HS3ST4: variants seen among roughly 807,000 people sequenced by gnomAD.
The protein encoded by HS3ST4 is heparan sulfate-glucosamine 3-sulfotransferase 4.
A neutral mutation model predicts 29.2 loss-of-function variants in HS3ST4; 17 were observed. The ratio of observed to expected loss-of-function variants is 0.58; its 90% confidence interval spans 0.40 to 0.87. HS3ST4 has a LOEUF of 0.87. Ranked by LOEUF, HS3ST4 falls within the 40% of genes least tolerant of loss-of-function variation. HS3ST4 has a pLI of 0.00. For missense variants in HS3ST4, 627 were observed against 634.5 expected (o/e 0.99, Z 0.13); for synonymous variants, 314 against 285.7 (o/e 1.10, Z -1.00).
chr16:25,715,330 AAAAAAAAAAAAAAAACC>A (rs1447980682), intron 1 of HS3ST4, among the ~76,000 whole-genome samples: 1 of 10,156 alleles, frequency 9.8e-5, no homozygotes, highest in African/African-American at 2.2e-4. Context: ...CTCCGTCTCA[AAAAAAAAAAAAAAAACC>A]AAAAAAAAAA....
At chr16:25,889,303 G>A (rs1243352288) in intron 1 of HS3ST4, among the ~76,000 whole-genome samples, 1 of 152,146 alleles carries the variant, frequency 6.6e-6, no homozygotes, top group Non-Finnish European at 1.5e-5. Context: ...TTGCCTAATT[G>A]TTTCTTAGAC....
chr16:25,811,046 G>A (rs183907057), intron 1 of HS3ST4, among the ~76,000 whole-genome samples: 4 of 152,230 alleles, frequency 2.6e-5, no homozygotes, highest in East Asian at 1.9e-4. Context: ...ATTAAGAAAC[G>A]GTTGGTGGTG....
chr16:26,096,484 T>C (rs1898927531), intron 1 of HS3ST4, among the ~76,000 whole-genome samples: 1 of 152,074 alleles, frequency 6.6e-6, no homozygotes, highest in Admixed American at 6.6e-5. Context: ...AGAGAACCAA[T>C]GACAAAAACC....
intron 1 of HS3ST4, among the ~76,000 whole-genome samples, chr16:26,003,459 G>T (rs1354936967): frequency 6.6e-6 from 1 of 152,122 alleles, no homozygotes; most frequent in African/African-American, 2.4e-5. Flanking sequence ...TCACAAATCT[G>T]CCTCTCTCAT....
At position 25,734,707 on chromosome 16, in the gene HS3ST4, T is replaced by TA. The variant is rs1966595223; in HGVS notation, c.734+41557dup. On this transcript the variant is annotated intron_variant, in intron 1 of 1. Transcript: ENST00000331351. Reference sequence around the variant, plus strand: ...TCAGCTCATGTAATGAGCTGGGTGATATGAAGATGAGCTGGTGAGTTCAGG... The same window carrying TA: ...TCAGCTCATGTAATGAGCTGGGTGATAATGAAGATGAGCTGGTGAGTTCAGG... 5.9e-5 allele frequency among the ~76,000 whole-genome samples: 9 copies of TA among 152,204 alleles called. No homozygotes were observed. The South Asian group carries it at 1.9e-3, about 32-fold the overall frequency.
At chr16:26,076,707 T>A (rs1371299496) in intron 1 of HS3ST4, among the ~76,000 whole-genome samples, 1 of 152,232 alleles carries the variant, frequency 6.6e-6, no homozygotes, top group Non-Finnish European at 1.5e-5. Context: ...CCTCAATTGA[T>A]AGCAGCTTCT....
intron 1 of HS3ST4, among the ~76,000 whole-genome samples, chr16:26,014,317 C>T (rs906110130): frequency 6.6e-6 from 1 of 152,178 alleles, no homozygotes; most frequent in Non-Finnish European, 1.5e-5. Context: ...GTTCTATCGT[C>T]ACCATTTTAC....
chr16:25,703,692 A>G (rs1053923696), intron 1 of HS3ST4, among the ~76,000 whole-genome samples: 2 of 152,190 alleles, frequency 1.3e-5, no homozygotes, highest in Non-Finnish European at 2.9e-5. Flanking sequence ...CACAGTAAAC[A>G]GTGGAAGTGG....
chr16:26,072,063 G>A (rs1418846203), intron 1 of HS3ST4, among the ~76,000 whole-genome samples: 2 of 152,250 alleles, frequency 1.3e-5, no homozygotes, highest in East Asian at 3.9e-4. Flanking sequence ...CATTACACAT[G>A]AAGGGGAGAA....
rs1596545034 is a variant in HS3ST4 at position 25,692,320 on chromosome 16, G to A, written c.-98G>A. ...GCGGCTGGGCAGCGGCGGCGGCGGC[G>A]GCGGCGGCGGCGGCGGCGGGGGCGG... On this transcript the variant is annotated 5_prime_UTR_variant, in exon 1 of 2. Transcript: ENST00000331351. 1 of 156,658 alleles carries A rather than the reference G, an allele frequency of 6.4e-6. No individual in the cohort carries two copies. Among genetic ancestry groups the A allele is most frequent in the Non-Finnish European group, 1.3e-5 (1 of 76,558 alleles). 9.7% of individuals were successfully genotyped at this position (156,658 alleles called of 1,614,324 possible).
At chr16:26,133,447 A>T (rs1337923138) in intron 1 of HS3ST4, among the ~76,000 whole-genome samples, 1 of 152,236 alleles carries the variant, frequency 6.6e-6, no homozygotes, top group East Asian at 1.9e-4. Flanking sequence ...CAAATTAGAC[A>T]AATTGATCTG....
intron 1 of HS3ST4, among the ~76,000 whole-genome samples, chr16:26,063,646 T>A (rs1248589515): frequency 6.6e-6 from 1 of 151,992 alleles, no homozygotes; most frequent in Non-Finnish European, 1.5e-5. Context: ...CAGTGAGCTA[T>A]GATTGCACCA....
chr16:25,765,099 T>C (rs1171772959), intron 1 of HS3ST4, among the ~76,000 whole-genome samples: 4 of 151,730 alleles, frequency 2.6e-5, no homozygotes, highest in Non-Finnish European at 4.4e-5. Flanking sequence ...GGAGGGAGAG[T>C]CTGTGTGAAG....
chr16:25,885,732 G>A (rs1350007503), intron 1 of HS3ST4, among the ~76,000 whole-genome samples: 2 of 151,798 alleles, frequency 1.3e-5, no homozygotes, highest in Non-Finnish European at 2.9e-5. Context: ...ATATGTATAT[G>A]TGTGTAAACA....
In HS3ST4 at chr16:26,014,101, C is replaced by T. The variant is rs181665016; in HGVS notation, c.735-121511C>T. Among the ~76,000 whole-genome samples, 148 of 152,102 alleles carry T rather than the reference C, an allele frequency of 9.7e-4. 1 individual carries two copies. The highest frequency in any genetic ancestry group is 6.8e-3 in the Middle Eastern group (2 of 294). On this transcript the variant is annotated intron_variant, in intron 1 of 1. Coordinates refer to ENST00000331351, the MANE Select transcript of HS3ST4 (RefSeq NM_006040.3). ...CTACTCCTACTCTCCCTTTCTCTTC[C>T]GCTATTTTGCTTTATTTTCCTTTGT...
intron 1 of HS3ST4, among the ~76,000 whole-genome samples, chr16:25,779,092 C>T (rs866976625): frequency 6.6e-6 from 1 of 152,164 alleles, no homozygotes; most frequent in Non-Finnish European, 1.5e-5. Flanking sequence ...CTAATGCAGT[C>T]CTTCCCTCTG....
chr16:25,746,741 C>T (rs553754436), intron 1 of HS3ST4, among the ~76,000 whole-genome samples: 5 of 151,942 alleles, frequency 3.3e-5, no homozygotes, highest in South Asian at 2.1e-4. Flanking sequence ...TTAGTAGAGA[C>T]GGGGTTTCAC....
Position 25,819,186 on chromosome 16 carries a change from T to C in HS3ST4, c.734+126035T>C, listed in dbSNP as rs1199353121. 2.0e-5 allele frequency among the ~76,000 whole-genome samples: 3 copies of C among 152,194 alleles called. No individual in the cohort carries two copies. The East Asian group carries it at 5.8e-4, about 29-fold the overall frequency. Reference sequence around the variant, plus strand: ...TTGCTGGGGGCCTCTGAGTCTGCGATCCTGTAAGTTTGTGAAGGACCAGAA... The same window carrying C: ...TTGCTGGGGGCCTCTGAGTCTGCGACCCTGTAAGTTTGTGAAGGACCAGAA... On this transcript the variant is annotated intron_variant, in intron 1 of 1. Coordinates refer to ENST00000331351, the MANE Select transcript of HS3ST4 (RefSeq NM_006040.3).
intron 1 of HS3ST4, among the ~76,000 whole-genome samples, chr16:25,998,967 T>C (rs1319886357): frequency 6.6e-6 from 1 of 152,198 alleles, no homozygotes; most frequent in Non-Finnish European, 1.5e-5. Context: ...AGAATTCACT[T>C]CTGAAGCTTT....
Sources: gnomAD v4.1 joint callset for allele counts (sites outside exome capture counted in the v4.1 genomes callset) on GRCh38, gnomAD v4.1.1 for gene constraint, MANE v1.5 for transcripts, NCBI Gene and HGNC (gene_info 2026-07-23, HGNC 2026-07-21) for gene names.